GRM8: variants seen among roughly 807,000 people sequenced by gnomAD.
The protein encoded by GRM8 is metabotropic glutamate receptor 8.
In GRM8, 47 loss-of-function variants were observed where a neutral mutation model predicts 87.2. The ratio of observed to expected loss-of-function variants is 0.54; its 90% CI spans 0.43 to 0.69. The LOEUF (loss-of-function observed/expected upper bound fraction) is 0.69. Ranked by LOEUF, GRM8 falls within the 30% of genes least tolerant of loss-of-function variation. The pLI is 0.00. For missense variants in GRM8, 1,019 were observed against 1,139.2 expected (o/e 0.89, Z 1.52); for synonymous variants, 396 against 404.5 (o/e 0.98, Z 0.25).
At chr7:126,742,713 C>A (rs1815153744) in intron 7 of GRM8, among the ~76,000 whole-genome samples, 1 of 152,042 alleles carries the variant, frequency 6.6e-6, no homozygotes, top group African/African-American at 2.4e-5. Context: ...CTTCCTCTTT[C>A]TCTAAGTTTC....
At chr7:126,712,985 C>T (rs953033222) in intron 7 of GRM8, among the ~76,000 whole-genome samples, 5 of 152,130 alleles carry the variant, frequency 3.3e-5, no homozygotes, top group Admixed American at 6.5e-5. Context: ...AACACTTTTA[C>T]ACTGTTTTGG....
At chr7:126,982,687 C>T (rs926509376) in intron 3 of GRM8, among the ~76,000 whole-genome samples, 11 of 152,076 alleles carry the variant, frequency 7.2e-5, no homozygotes, top group African/African-American at 2.7e-4. Context: ...ATGTTTTTAA[C>T]AAAGAAGGAA....
intron 2 of GRM8, among the ~76,000 whole-genome samples, chr7:127,138,560 T>C (rs1370633303): frequency 6.6e-6 from 1 of 152,128 alleles, no homozygotes; most frequent in Non-Finnish European, 1.5e-5. Flanking sequence ...GGCCAGGATC[T>C]GAATGACTTG....
At chr7:126,520,706 C>T (rs1033934559) in intron 9 of GRM8, among the ~76,000 whole-genome samples, 1 of 151,970 alleles carries the variant, frequency 6.6e-6, no homozygotes, top group African/African-American at 2.4e-5. Context: ...TATGCCTGCG[C>T]TATACATAAA....
At chr7:126,623,645 G>C (rs1800396611) in intron 7 of GRM8, among the ~76,000 whole-genome samples, 1 of 152,156 alleles carries the variant, frequency 6.6e-6, no homozygotes, top group African/African-American at 2.4e-5. Context: ...TCTTCAACTG[G>C]ACTGAACCCC....
chr7:126,784,098 G>A (rs928265843), intron 6 of GRM8, among the ~76,000 whole-genome samples: 13 of 152,186 alleles, frequency 8.5e-5, no homozygotes, highest in African/African-American at 3.1e-4. Flanking sequence ...CATGGTTTGT[G>A]TGAGCTTTAG....
At position 126,533,692 on chromosome 7, in the gene GRM8, T is replaced by C. The variant is rs142940229; in HGVS notation, c.1690A>G (p.Met564Val). The change falls in exon 9 of 11, where the codon ATG becomes GTG. Residue 564 changes from methionine to valine, a missense_variant. By Grantham distance (21) the Met-to-Val change is conservative (BLOSUM62 1). Transcript: ENST00000339582. Reference sequence around the variant, plus strand: ...ATAAGCTGGCAGCCTGTGCGGTTCATGTTGGGTCTCTGATCCAGAGGGCAA... The same window carrying C: ...ATAAGCTGGCAGCCTGTGCGGTTCACGTTGGGTCTCTGATCCAGAGGGCAA... ...ELCPLDQRPN[M>V]NRTGCQLIPI... The C allele has an allele frequency of 3.1e-5, 50 of 1,613,962 alleles. No individual in the cohort carries two copies. Among genetic ancestry groups the C allele is most frequent in the Non-Finnish European group, 4.2e-5 (49 of 1,179,998 alleles).
At position 126,903,657 on chromosome 7, in the gene GRM8, A is replaced by ATATATATATGTATATGTG. The variant is rs1563300414; in HGVS notation, c.1018+297_1018+314dup. ...TGTGTATATATATAGGTATATGTGT[A>ATATATATATGTATATGTG]TATATATATGTATATGTGTATATAT... On this transcript the variant is annotated intron_variant, in intron 5 of 10. Transcript: ENST00000339582. Among the ~76,000 whole-genome samples, 27 of 107,032 alleles carry ATATATATATGTATATGTG rather than the reference A, an allele frequency of 2.5e-4. 2 individuals carry two copies. Among genetic ancestry groups the ATATATATATGTATATGTG allele is most frequent in the African/African-American group, 8.9e-4 (22 of 24,848 alleles). The allele number at this position is 107,032 out of a possible 152,430, so 70.2% of individuals were successfully genotyped here.
rs17864158 is a variant in GRM8, at chr7:127,208,684, C to T, written c.510+34011G>A. On this transcript the variant is annotated intron_variant, in intron 2 of 10. Coordinates refer to ENST00000339582, the MANE Select transcript of GRM8 (RefSeq NM_000845.3). ...GTCATTAGAAAGCTTTTACAATGAT[C>T]ACCTTGCTTGTTCATCTCAACTCTC... Among the ~76,000 whole-genome samples, 1,446 of 152,304 alleles carry T rather than the reference C, an allele frequency of 9.5e-3. 15 individuals carry two copies. Among genetic ancestry groups the T allele is most frequent in the Non-Finnish European group, 0.015 (1,049 of 68,036 alleles).
At position 127,243,084 on chromosome 7, in the gene GRM8, G is replaced by A. The variant is rs201160740; in HGVS notation, c.121C>T (p.Arg41Trp). The change falls in exon 2 of 11, where the codon CGG (arginine) becomes TGG (tryptophan). Residue 41 changes from arginine (R) to tryptophan (W), a missense_variant. By Grantham distance (101) the Arg-to-Trp change is moderately radical (BLOSUM62 -3). Transcript: ENST00000339582. ...THSQEYAHSI[R>W]VDGDIILGGL... ...CCCAAAATAATGTCCCCATCCACCC[G>A]TATGGAATGGGCATACTCCTGGCTG... The A allele has an allele frequency of 4.5e-5, 73 of 1,613,744 alleles. No individual in the cohort carries two copies. The highest frequency in any genetic ancestry group is 1.4e-4 in the South Asian group (13 of 91,074).
intron 2 of GRM8, among the ~76,000 whole-genome samples, chr7:127,172,703 C>G: frequency 8.3e-6 from 1 of 120,288 alleles, no homozygotes; most frequent in South Asian, 2.5e-4. Flanking sequence ...TGCGAGACTC[C>G]GTCTCAAAAA....
chr7:127,155,159 G>C (rs1792642999), intron 2 of GRM8, among the ~76,000 whole-genome samples: 1 of 152,056 alleles, frequency 6.6e-6, no homozygotes. Flanking sequence ...CATGTCACTG[G>C]GTGGAAATTA....
At chr7:127,174,075 G>A (rs551955048) in intron 2 of GRM8, among the ~76,000 whole-genome samples, 13 of 151,940 alleles carry the variant, frequency 8.6e-5, no homozygotes, top group African/African-American at 2.7e-4. Context: ...ACACACACAC[G>A]CACCCCTAGA....
At chr7:126,830,309 G>T (rs1383448061) in intron 6 of GRM8, among the ~76,000 whole-genome samples, 2 of 152,192 alleles carry the variant, frequency 1.3e-5, no homozygotes, top group Admixed American at 1.3e-4. Flanking sequence ...TTCCAACTTG[G>T]TTCCATTCTC....
chr7:127,252,910 G>T lies in GRM8; in HGVS notation c.-425C>A. The T allele has an allele frequency of 4.9e-6, 1 of 205,652 alleles. No individual in the cohort carries two copies. The highest frequency in any genetic ancestry group is 9.4e-6 in the Non-Finnish European group (1 of 106,180). 12.7% of individuals were successfully genotyped at this position (205,652 alleles called of 1,614,324 possible). A position where few individuals can be genotyped will look rare whatever the true frequency, so the allele number is the denominator to read the frequency against. ...TGAGGCGAGCACAGCGGCCGCACTT[G>T]TGGCTGATCTCTGGGCTGAGGGGGC... On this transcript the variant is annotated 5_prime_UTR_variant, in exon 1 of 11. Coordinates refer to ENST00000339582, the MANE Select transcript of GRM8 (RefSeq NM_000845.3). This position sits in a 1 kb window ranked among gnomAD's most constrained non-coding sequence, Gnocchi z 4.9.
intron 3 of GRM8, among the ~76,000 whole-genome samples, chr7:126,942,305 T>C (rs1196457878): frequency 6.6e-6 from 1 of 152,186 alleles, no homozygotes; most frequent in Non-Finnish European, 1.5e-5. Context: ...TACATGCTAT[T>C]ATTTTTTTTC....
At chr7:127,039,614 TGAGAAGGGGAAGGGGAAG>T (rs1586824077) in intron 3 of GRM8, among the ~76,000 whole-genome samples, 2 of 90,886 alleles carry the variant, frequency 2.2e-5, no homozygotes, top group Non-Finnish European at 4.1e-5. Context: ...TGCTCTTGAG[TGAGAAGGGGAAGGGGAAG>T]GAGAAGGGGA....
rs139840869 is a variant in GRM8, at chr7:126,964,716, G to A, written c.728-60033C>T. On this transcript the variant is annotated intron_variant, in intron 3 of 10. Coordinates refer to ENST00000339582, the MANE Select transcript of GRM8 (RefSeq NM_000845.3). The stretch of plus-strand genomic sequence containing the variant: ...ATGCTTTTACCCTGTTGGTGGTAGG[G>A]TAAATTAGTTCAACCATTGTGGAAG... 8.5e-3 allele frequency among the ~76,000 whole-genome samples: 1,288 copies of A among 152,282 alleles called. 17 individuals carry two copies. Among genetic ancestry groups the A allele is most frequent in the African/African-American group, 0.028 (1,179 of 41,554 alleles).
intron 2 of GRM8, chr7:127,219,384 G>A (rs1043917689): frequency 9.2e-5 from 14 of 152,144 alleles, no homozygotes; most frequent in African/African-American, 3.4e-4. Context: ...CTTCTAAGGA[G>A]GTACTTAAAA....
Sources: gnomAD v4.1 joint callset for allele counts (sites outside exome capture counted in the v4.1 genomes callset) on GRCh38, gnomAD v4.1.1 for gene constraint, Gnocchi (gnomAD v3.1) non-coding constraint, MANE v1.5 for transcripts, NCBI Gene and HGNC (gene_info 2026-07-23, HGNC 2026-07-21) for gene names.